USF2: variants seen among roughly 807,000 people sequenced by gnomAD.
USF2 encodes the protein upstream transcription factor 2, c-fos interacting.
USF2 carries 16 observed loss-of-function variants against 46.9 expected under a neutral mutation model. The ratio of observed to expected loss-of-function variants is 0.34; its 90% confidence interval spans 0.23 to 0.52. The LOEUF (loss-of-function observed/expected upper bound fraction) is 0.52. Ranked by LOEUF, USF2 falls within the 20% of genes least tolerant of loss-of-function variation. The probability of loss-of-function intolerance (pLI) is 0.96; values close to 1 mark genes in which losing one functional copy is unlikely to be tolerated. For missense variants in USF2, 411 were observed against 474.0 expected (o/e 0.87, Z 1.23); for synonymous variants, 239 against 194.1 (o/e 1.23, Z -1.92).
Position 35,269,641 on chromosome 19 carries a change from C to T in USF2, c.170C>T (p.Ala57Val). ...GTGGCCATCACCAGCGTCCAGCAGG[C>T]GGCGTTCGGCGACCACAACATCCAG... ...TAVAITSVQQ[A>V]AFGDHNIQYQ... The change falls in exon 3 of 10, where the codon GCG becomes GTG. Residue 57 changes from alanine to valine, a missense_variant. Coordinates refer to ENST00000222305, the MANE Select transcript of USF2 (RefSeq NM_003367.4). The T allele has an allele frequency of 1.9e-6, 3 of 1,595,656 alleles. No individual in the cohort carries two copies. Among genetic ancestry groups the T allele is most frequent in the Middle Eastern group, 1.7e-4 (1 of 5,718 alleles).
At chr19:35,278,840 C>CAA (rs758861009) in intron 8 of USF2, 48 bp downstream of exon 8, 1 of 1,611,196 alleles carries the variant, frequency 6.2e-7, no homozygotes, top group East Asian at 2.2e-5. Flanking sequence ...GGCCCCCGAC[C>CAA]CTTGCATGCA....
intron 8 of USF2, 25 bp downstream of exon 8, chr19:35,278,817 C>T (rs1292895621): frequency 3.7e-6 from 6 of 1,613,502 alleles, no homozygotes; most frequent in South Asian, 3.3e-5. Context: ...CCCTCAGTGT[C>T]TGCGGTGGTC....
At chr19:35,273,594 G>A (rs2066189474) in intron 7 of USF2, among the ~76,000 whole-genome samples, 1 of 152,140 alleles carries the variant, frequency 6.6e-6, no homozygotes, top group Admixed American at 6.5e-5. Context: ...GTCTCACTCT[G>A]TCACCCAGGC....
At chr19:35,272,619 G>A (rs1272892117) in intron 7 of USF2, among the ~76,000 whole-genome samples, 1 of 152,000 alleles carries the variant, frequency 6.6e-6, no homozygotes, top group East Asian at 1.9e-4. Context: ...GGGCTCCTGT[G>A]GTTTTATTCC....
At chr19:35,269,513 C>A in intron 2 of USF2, 21 bp downstream of exon 2, 1 of 1,540,770 alleles carries the variant, frequency 6.5e-7, no homozygotes, top group Non-Finnish European at 8.7e-7. Flanking sequence ...GCCGGGCCGG[C>A]CGCGCCCGGG....
At chr19:35,269,551 T>G in intron 2 of USF2, 30 bp from the exon 3 acceptor site, 1 of 1,562,788 alleles carries the variant, frequency 6.4e-7, no homozygotes, top group Non-Finnish European at 8.7e-7. Flanking sequence ...GGCGCGGCCC[T>G]GACCGTGCCC....
chr19:35,269,846 G>T lies in USF2; in HGVS notation c.272G>T (p.Gly91Val). The T allele has an allele frequency of 6.9e-7, 1 of 1,441,212 alleles. No homozygotes were observed. The highest frequency in any genetic ancestry group is 1.5e-5 in the South Asian group (1 of 68,046). 89.3% of individuals were successfully genotyped at this position (1,441,212 alleles called of 1,614,324 possible). A position where few individuals can be genotyped will look rare whatever the true frequency, so the allele number is the denominator to read the frequency against. The part of the protein sequence containing the change: ...VVQVTDGQLD[G>V]QGDTAGAVSV... ...CAGGTGACTGATGGTCAGCTGGACG[G>T]CCAGGGCGACACAGCTGGCGCCGTC... is the stretch of plus-strand genomic sequence containing the variant. Residue 91 changes from glycine to valine, a missense_variant, in exon 4 of 10, where the codon GGC (glycine) becomes GTC (valine). This residue lies in a region of USF2 where 318 missense variants were observed against 322.4 expected (regional missense o/e 0.99). Coordinates refer to ENST00000222305, the MANE Select transcript of USF2 (RefSeq NM_003367.4).
At chr19:35,270,146 C>T (rs1160039574) in intron 4 of USF2, 143 bp downstream of exon 4, 1 of 1,054,034 alleles carries the variant, frequency 9.5e-7, no homozygotes, top group Non-Finnish European at 1.3e-6. Flanking sequence ...GGCCAGATCC[C>T]TGTTGTGCAC....
chr19:35,278,777 C>T lies in USF2; in HGVS notation c.807C>T (p.Asn269=). ...TCATTCCAGACTGTAACGCAGACAA[C>T]AGCAAGACGGGAGCGGTGAGCACCC... ...SKIIPDCNAD[N]SKTGASKGGI... is the part of the protein sequence containing the mutation. Residue 269 remains asparagine (N), a synonymous_variant, in exon 8 of 10, where the codon AAC becomes AAT. Coordinates refer to ENST00000222305, the MANE Select transcript of USF2 (RefSeq NM_003367.4). 1.2e-6 allele frequency: 2 copies of T among 1,614,090 alleles called. No individual in the cohort carries two copies. The highest frequency in any genetic ancestry group is 1.7e-6 in the Non-Finnish European group (2 of 1,180,018).
intron 6 of USF2, 24 bp downstream of exon 6, chr19:35,270,829 G>A (rs772570357): frequency 3.7e-6 from 6 of 1,612,998 alleles, no homozygotes; most frequent in East Asian, 2.2e-5. Context: ...ACACCTGGAG[G>A]GCCTGGTGTT....
intron 6 of USF2, 81 bp downstream of exon 6, chr19:35,270,886 C>A: frequency 6.4e-7 from 1 of 1,550,548 alleles, no homozygotes; most frequent in Non-Finnish European, 8.9e-7. Flanking sequence ...GGGCAGTTAG[C>A]ATGAAGTGGG....
chr19:35,270,705 A>T lies in USF2; in HGVS notation c.581-13A>T, dbSNP rs778264902. On this transcript the variant is annotated splice_polypyrimidine_tract_variant and intron_variant, in intron 5 of 9. Transcript: ENST00000222305. Reference sequence around the variant, plus strand: ...CACCCTGCCTTGCCACTAACCCCCCACTCTCCCTGCAGGCCAGTTCTACGT... The same window carrying T: ...CACCCTGCCTTGCCACTAACCCCCCTCTCTCCCTGCAGGCCAGTTCTACGT... 6.2e-7 allele frequency: 1 copy of T among 1,611,302 alleles called. No homozygotes were observed. Among genetic ancestry groups the T allele is most frequent in the East Asian group, 2.2e-5 (1 of 44,758 alleles).
At chr19:35,276,237 A>G (rs2066232197) in intron 7 of USF2, among the ~76,000 whole-genome samples, 2 of 151,874 alleles carry the variant, frequency 1.3e-5, no homozygotes. Flanking sequence ...ATGCCTGGCT[A>G]ATTTTTGCAT....
chr19:35,273,696 C>T (rs1293896609), intron 7 of USF2, among the ~76,000 whole-genome samples: 1 of 152,264 alleles, frequency 6.6e-6, no homozygotes, highest in East Asian at 1.9e-4. Context: ...TGGCTGGGAC[C>T]ACAGGCAGGC....
intron 7 of USF2, among the ~76,000 whole-genome samples, chr19:35,273,806 T>A (rs994114851): frequency 5.9e-5 from 9 of 152,218 alleles, no homozygotes; most frequent in African/African-American, 1.7e-4. Context: ...TCCTCCGGCC[T>A]CGGCTACAGG....
intron 4 of USF2, 149 bp downstream of exon 4, chr19:35,270,152 T>G: frequency 9.6e-7 from 1 of 1,046,902 alleles, no homozygotes; most frequent in Non-Finnish European, 1.3e-6. Context: ...ATCCCTGTTG[T>G]GCACCGTGAA....
At position 35,278,653 on chromosome 19, in the gene USF2, C is replaced by CA. The variant is rs754157699; in HGVS notation, c.728-44dup. 6.1e-5 allele frequency: 97 copies of CA among 1,599,534 alleles called. No homozygotes were observed. In the South Asian group the frequency reaches 9.9e-4, roughly 16 times the overall value. On this transcript the variant is annotated intron_variant, in intron 7 of 9. Transcript: ENST00000222305. ...TGCCCTGTGAGGACGGCCGCTCAGG[C>CA]ATGATCCGTCAGCGAAGCCGTGGCT...
At chr19:35,269,231 G>C (rs1473536042) in intron 1 of USF2, 68 bp downstream of exon 1, 1 of 962,960 alleles carries the variant, frequency 1.0e-6, no homozygotes, top group East Asian at 1.3e-4. Context: ...CCTGCAGGCC[G>C]GGGCCGCCAT....
intron 6 of USF2, 96 bp from the exon 7 acceptor site, chr19:35,270,987 C>T (rs149079412): frequency 1.5e-4 from 226 of 1,534,820 alleles, no homozygotes; most frequent in Admixed American, 6.2e-4. Flanking sequence ...ATGGATTTAC[C>T]TTGCAAAGAT....
Sources: allele counts gnomAD v4.1 joint callset (sites outside exome capture counted in the v4.1 genomes callset), GRCh38; gene constraint gnomAD v4.1.1; regional missense constraint gnomAD v4.1.1; transcripts MANE v1.5; gene names NCBI Gene and HGNC (gene_info 2026-07-23, HGNC 2026-07-21).